Variants in LRMDA observed in about 807,000 individuals in gnomAD.
LRMDA encodes the protein leucine-rich melanocyte differentiation-associated protein.
A neutral mutation model predicts 29.8 loss-of-function variants in LRMDA; 18 were observed. The ratio of observed to expected loss-of-function variants is 0.60; its 90% CI spans 0.42 to 0.90. The LOEUF is 0.90. LRMDA is among the 40% of genes least tolerant of loss of function. LRMDA has a pLI of 0.00. For synonymous variants in LRMDA, 125 were observed against 109.4 expected, an observed-to-expected ratio of 1.14 and a Z score of -0.89; for missense variants, 273 against 273.9, an observed-to-expected ratio of 1.00 and a Z score of 0.02.
At chr10:75,889,620 C>T (rs540789075) in intron 2 of LRMDA, among the ~76,000 whole-genome samples, 1 of 152,322 alleles carries the variant, frequency 6.6e-6, no homozygotes, top group African/African-American at 2.4e-5. Flanking sequence ...TGTGCCAGCA[C>T]ACGCCTAGAA....
At chr10:76,075,325 CA>C (rs1252185229) in intron 5 of LRMDA, among the ~76,000 whole-genome samples, 1 of 152,196 alleles carries the variant, frequency 6.6e-6, no homozygotes, top group Non-Finnish European at 1.5e-5. Flanking sequence ...AAAGAGGCAT[CA>C]GGGGTGCCCA....
chr10:76,430,948 C>T (rs1842184387), intron 6 of LRMDA, among the ~76,000 whole-genome samples: 2 of 152,092 alleles, frequency 1.3e-5, no homozygotes, highest in Admixed American at 1.3e-4. Context: ...ATAGTTTTTT[C>T]CTAATGAATT....
intron 6 of LRMDA, among the ~76,000 whole-genome samples, chr10:76,519,095 G>C (rs1843093251): frequency 6.6e-6 from 1 of 152,106 alleles, no homozygotes; most frequent in Non-Finnish European, 1.5e-5. Context: ...GATTGCTGGA[G>C]GAAAGGAGTT....
intron 2 of LRMDA, among the ~76,000 whole-genome samples, chr10:75,833,117 C>T (rs1415517661): frequency 2.0e-5 from 3 of 152,154 alleles, no homozygotes; most frequent in Admixed American, 1.3e-4. Context: ...AACTTGATGT[C>T]TAGTTTTAGA....
chr10:76,435,584 G>A (rs959381903), intron 6 of LRMDA, among the ~76,000 whole-genome samples: 2 of 152,140 alleles, frequency 1.3e-5, no homozygotes, highest in African/African-American at 4.8e-5. Flanking sequence ...ACAATGTCTG[G>A]GTCAGCAACT....
intron 2 of LRMDA, among the ~76,000 whole-genome samples, chr10:75,805,730 G>GGCACTTTT (rs1843839624): frequency 6.6e-6 from 1 of 152,150 alleles, no homozygotes; most frequent in African/African-American, 2.4e-5. Flanking sequence ...CTCTGTATGT[G>GGCACTTTT]GCACTTTTGG....
chr10:75,790,172 C>T lies in LRMDA; in HGVS notation c.132-245836C>T, dbSNP rs149858762. ...CTGGATAATTCTGTGTTGTGGGGGC[C>T]GTCCTGTGCATTGTAGGGTATTGAG... is the stretch of plus-strand genomic sequence containing the variant. On this transcript the variant is annotated intron_variant, in intron 2 of 6. Coordinates refer to ENST00000611255, the MANE Select transcript of LRMDA (RefSeq NM_001305581.2). 1.5e-3 allele frequency among the ~76,000 whole-genome samples: 222 copies of T among 152,152 alleles called. 1 individual carries two copies. The highest frequency in any genetic ancestry group is 2.5e-3 in the Non-Finnish European group (172 of 67,996).
intron 2 of LRMDA, among the ~76,000 whole-genome samples, chr10:75,842,179 T>G (rs527805210): frequency 2.0e-5 from 3 of 152,250 alleles, no homozygotes; most frequent in Admixed American, 6.5e-5. Context: ...TTTTAAATCA[T>G]GGAGAAAAAT....
At chr10:75,702,475 G>A (rs1165624075) in intron 2 of LRMDA, among the ~76,000 whole-genome samples, 8 of 152,096 alleles carry the variant, frequency 5.3e-5, no homozygotes, top group East Asian at 3.9e-4. Context: ...ACCTAGATGC[G>A]GGTATTGGGT....
intron 5 of LRMDA, among the ~76,000 whole-genome samples, chr10:76,297,749 C>A (rs983162516): frequency 6.6e-6 from 1 of 152,136 alleles, no homozygotes; most frequent in African/African-American, 2.4e-5. Context: ...CCATTGCCCC[C>A]CTTTACCTTT....
chr10:76,541,063 A>G (rs1843348531), intron 6 of LRMDA, among the ~76,000 whole-genome samples: 1 of 152,142 alleles, frequency 6.6e-6, no homozygotes, highest in Non-Finnish European at 1.5e-5. Flanking sequence ...TCTGATTTGG[A>G]TAACTGTCCG....
intron 5 of LRMDA, among the ~76,000 whole-genome samples, chr10:76,298,856 T>C (rs370456175): frequency 6.6e-5 from 10 of 152,186 alleles, no homozygotes; most frequent in Non-Finnish European, 1.2e-4. Flanking sequence ...GTGGGTCTAA[T>C]TGTTTCTGGC....
At chr10:75,859,600 T>TACACACACACACAC (rs71024575) in intron 2 of LRMDA, among the ~76,000 whole-genome samples, 122 of 77,574 alleles carry the variant, frequency 1.6e-3, no homozygotes, top group South Asian at 5.0e-3. Flanking sequence ...ATTCAGGGCA[T>TACACACACACACAC]ACACACACAC....
At chr10:76,057,046 T>G (rs1488510923) in intron 4 of LRMDA, among the ~76,000 whole-genome samples, 2 of 152,182 alleles carry the variant, frequency 1.3e-5, no homozygotes, top group Non-Finnish European at 2.9e-5. Context: ...AAGGCTCCAG[T>G]GAAGGCAAGC....
At chr10:75,559,283 T>G (rs1198698772) in intron 2 of LRMDA, among the ~76,000 whole-genome samples, 2 of 150,856 alleles carry the variant, frequency 1.3e-5, no homozygotes, top group Admixed American at 1.3e-4. Flanking sequence ...TGATGGCCAG[T>G]GATGGTGAGC....
At chr10:76,136,964 G>A (rs1463383143) in intron 5 of LRMDA, among the ~76,000 whole-genome samples, 1 of 152,176 alleles carries the variant, frequency 6.6e-6, no homozygotes, top group Non-Finnish European at 1.5e-5. Context: ...CCAAAAAGCT[G>A]CATTTAGCAA....
intron 2 of LRMDA, among the ~76,000 whole-genome samples, chr10:75,692,486 T>C (rs771560201): frequency 1.3e-5 from 2 of 151,024 alleles, no homozygotes; most frequent in Non-Finnish European, 2.9e-5. Context: ...TACACACGTA[T>C]ACATATATGT....
At chr10:76,293,322 T>C (rs578164511) in intron 5 of LRMDA, among the ~76,000 whole-genome samples, 23 of 152,212 alleles carry the variant, frequency 1.5e-4, no homozygotes, top group Non-Finnish European at 2.9e-4. Flanking sequence ...TAGGCAAATA[T>C]GTTATCTCTT....
chr10:75,776,270 T>C (rs1843310874), intron 2 of LRMDA, among the ~76,000 whole-genome samples: 1 of 152,188 alleles, frequency 6.6e-6, no homozygotes, highest in Admixed American at 6.5e-5. Flanking sequence ...ATTTGGGTCC[T>C]GGAAGAACTC....
Sources: allele counts gnomAD v4.1 joint callset (sites outside exome capture counted in the v4.1 genomes callset), GRCh38; gene constraint gnomAD v4.1.1; transcripts MANE v1.5; gene names NCBI Gene and HGNC (gene_info 2026-07-23, HGNC 2026-07-21).